The following RPL22 variants were observed in gnomAD, a reference collection of about 807,000 sequenced individuals.
The protein encoded by RPL22 is large ribosomal subunit protein eL22.
Under a neutral mutation model 16.2 loss-of-function variants are expected in RPL22, and 4 were observed. The ratio of observed to expected loss-of-function variants is 0.25; its 90% CI spans 0.12 to 0.57. The LOEUF (loss-of-function observed/expected upper bound fraction) is 0.57, where lower values mean the gene tolerates loss of function less well. Among genes scored for constraint, RPL22 ranks in the 20% least tolerant of loss-of-function variants. The pLI, the probability that RPL22 is intolerant of heterozygous loss-of-function variation, is 0.92. For synonymous variants in RPL22, 43 were observed against 54.8 expected (o/e 0.78, Z 0.95); for missense variants, 83 against 156.1 (o/e 0.53, Z 2.49).
chr1:6,192,842 A>G (rs1238550769), intron 3 of RPL22, 88 bp downstream of exon 3: 14 of 1,504,884 alleles, frequency 9.3e-6, no homozygotes, highest in South Asian at 1.2e-5. Flanking sequence ...CAAACCAATC[A>G]CTCTGCGGGT....
intron 3 of RPL22, among the ~76,000 whole-genome samples, chr1:6,187,674 T>C (rs1453694853): frequency 6.7e-6 from 1 of 150,078 alleles, no homozygotes; most frequent in Non-Finnish European, 1.5e-5. Context: ...GATGTACCAG[T>C]TGTCCATGAA....
chr1:6,197,768 C>G lies in RPL22; in HGVS notation c.13-12G>C. 1.3e-6 allele frequency: 2 copies of G among 1,540,760 alleles called. No homozygotes were observed. Among genetic ancestry groups the G allele is most frequent in the South Asian group, 2.2e-5 (2 of 89,780 alleles). ...ACCACAAGCTTTTTCTAAGAAAATA[C>G]ACAAATGATAACAGAGATGAAGTTT... On this transcript the variant is annotated splice_polypyrimidine_tract_variant and intron_variant, in intron 1 of 3. Coordinates refer to ENST00000234875, the MANE Select transcript of RPL22 (RefSeq NM_000983.4).
intron 2 of RPL22, among the ~76,000 whole-genome samples, chr1:6,193,556 C>A (rs1667678993): frequency 6.6e-6 from 1 of 152,112 alleles, no homozygotes; most frequent in African/African-American, 2.4e-5. Flanking sequence ...CTCCCGACTT[C>A]AGGTGATTCG....
intron 3 of RPL22, among the ~76,000 whole-genome samples, chr1:6,189,612 TAA>T (rs550383303): frequency 2.0e-4 from 25 of 125,726 alleles, no homozygotes; most frequent in Non-Finnish European, 2.3e-4. Flanking sequence ...AAAATCAGGT[TAA>T]AAAAAAAAAA....
At position 6,190,394 on chromosome 1, in the gene RPL22, T is replaced by C. The variant is rs143313406; in HGVS notation, c.242+2536A>G. On this transcript the variant is annotated intron_variant, in intron 3 of 3. Coordinates refer to ENST00000234875, the MANE Select transcript of RPL22 (RefSeq NM_000983.4). The stretch of plus-strand genomic sequence containing the variant: ...ATGTTGGTTTTCTTTTGTTTGTTTT[T>C]TTTGAGACAGAGTTTCGCTCTTGTT... Among the ~76,000 whole-genome samples the C allele has an allele frequency of 6.6e-3, 999 of 152,352 alleles. 11 individuals carry two copies. Among genetic ancestry groups the C allele is most frequent in the African/African-American group, 0.023 (955 of 41,578 alleles).
chr1:6,187,627 C>A (rs75809570), intron 3 of RPL22, among the ~76,000 whole-genome samples: 2,583 of 114,614 alleles, frequency 0.023, 40 homozygotes, highest in African/African-American at 0.067. Flanking sequence ...AAAAAAAAAA[C>A]AAAAAAAAAA....
rs1359674521 is a variant in RPL22 at position 6,186,735 on chromosome 1, C to T, written c.324G>A (p.Glu108=). 1.9e-6 allele frequency: 3 copies of T among 1,598,254 alleles called. No homozygotes were observed. In the Admixed American group the frequency reaches 5.0e-5, roughly 27 times the overall value. ...DWLRVVANSK[E]SYELRYFQIN... ...TCTGGAAGTAACGTAATTCGTAACTCTCTTTGCTGTTAGCAACTACGCGCA... is the reference window on the plus strand; with the variant it reads ...TCTGGAAGTAACGTAATTCGTAACTTTCTTTGCTGTTAGCAACTACGCGCA... The change falls in exon 4 of 4, where the codon GAG becomes GAA. Residue 108 remains glutamate, a synonymous_variant. Transcript: ENST00000234875.
Position 6,197,754 on chromosome 1 carries a change from T to A in RPL22, c.15A>T (p.Lys5Asn). 6.2e-7 allele frequency: 1 copy of A among 1,608,348 alleles called. No homozygotes were observed. Among genetic ancestry groups the A allele is most frequent in the Non-Finnish European group, 8.5e-7 (1 of 1,175,130 alleles). The change falls in exon 2 of 4, where the codon AAA becomes AAT. Residue 5 changes from lysine (K) to asparagine (N), a missense_variant and splice_region_variant. Lys to Asn is a moderately conservative substitution (Grantham distance 94). Coordinates refer to ENST00000234875, the MANE Select transcript of RPL22 (RefSeq NM_000983.4). MAPV[K>N]KLVVKGGKKK... ...TTTTGCCCCCCTTCACCACAAGCTTTTTCTAAGAAAATACACAAATGATAA... is the reference window on the plus strand; with the variant it reads ...TTTTGCCCCCCTTCACCACAAGCTTATTCTAAGAAAATACACAAATGATAA...
At chr1:6,192,800 G>A in intron 3 of RPL22, 130 bp downstream of exon 3, 1 of 1,091,984 alleles carries the variant, frequency 9.2e-7, no homozygotes, top group African/African-American at 1.6e-5. Context: ...ACTGCCTCCT[G>A]CACTGAGCAT....
chr1:6,191,219 G>T (rs186778305), intron 3 of RPL22, among the ~76,000 whole-genome samples: 2,163 of 150,082 alleles, frequency 0.014, 55 homozygotes, highest in African/African-American at 0.051. Context: ...AATTAGCCAC[G>T]AGTGGTGGCA....
intron 3 of RPL22, among the ~76,000 whole-genome samples, chr1:6,188,974 C>T (rs1245337635): frequency 6.6e-6 from 1 of 152,018 alleles, no homozygotes; most frequent in Non-Finnish European, 1.5e-5. Context: ...TAGTAAGAGA[C>T]GGGGTTTCTC....
intron 3 of RPL22, among the ~76,000 whole-genome samples, chr1:6,192,527 C>T (rs780261111): frequency 5.9e-5 from 9 of 152,070 alleles, no homozygotes; most frequent in African/African-American, 1.9e-4. Context: ...GTGAAACCCC[C>T]GTTTCTACTA....
intron 2 of RPL22, among the ~76,000 whole-genome samples, chr1:6,195,500 G>A (rs371071318): frequency 5.7e-4 from 85 of 149,922 alleles, no homozygotes; most frequent in Middle Eastern, 3.5e-3. Flanking sequence ...TTGTAATCCC[G>A]ATACTTTGGG....
At chr1:6,199,484 G>C in intron 1 of RPL22, 78 bp downstream of exon 1, 1 of 1,528,246 alleles carries the variant, frequency 6.5e-7, no homozygotes, top group Non-Finnish European at 8.8e-7. Context: ...CGTCCCCAGC[G>C]AGCCTGGGTA....
chr1:6,193,467 G>A (rs544305924), intron 2 of RPL22, among the ~76,000 whole-genome samples: 1 of 152,206 alleles, frequency 6.6e-6, no homozygotes, highest in Admixed American at 6.5e-5. Flanking sequence ...GGGATTACAG[G>A]CATTCGCCAC....
intron 3 of RPL22, among the ~76,000 whole-genome samples, chr1:6,191,955 C>A (rs1466002722): frequency 6.7e-6 from 1 of 149,930 alleles, no homozygotes; most frequent in Non-Finnish European, 1.5e-5. Flanking sequence ...GCCAAGATGG[C>A]GCCACTGCAC....
At chr1:6,193,248 T>C (rs2100905203) in intron 2 of RPL22, among the ~76,000 whole-genome samples, 194 bp from the exon 3 acceptor site, 1 of 151,670 alleles carries the variant, frequency 6.6e-6, no homozygotes, top group South Asian at 2.1e-4. Context: ...ACTCAAGTGA[T>C]CCTCCCACCT....
chr1:6,187,961 C>T (rs747634190), intron 3 of RPL22, among the ~76,000 whole-genome samples: 25 of 152,252 alleles, frequency 1.6e-4, no homozygotes, highest in Non-Finnish European at 3.4e-4. Context: ...ACTGCGCTCA[C>T]GCCCAGAGAG....
intron 3 of RPL22, among the ~76,000 whole-genome samples, chr1:6,188,704 T>G (rs1217763372): frequency 6.6e-6 from 1 of 151,920 alleles, no homozygotes; most frequent in Admixed American, 6.6e-5. Flanking sequence ...CCAAGCTGTT[T>G]CTCCCACAGT....
Sources: gnomAD v4.1 joint callset for allele counts (sites outside exome capture counted in the v4.1 genomes callset) on GRCh38, gnomAD v4.1.1 for gene constraint, MANE v1.5 for transcripts, NCBI Gene and HGNC (gene_info 2026-07-23, HGNC 2026-07-21) for gene names.